The following TAOK1 variants were observed in gnomAD, a reference collection of about 807,000 sequenced individuals.
The protein encoded by TAOK1 is TAO kinase 1.
TAOK1 carries 21 observed loss-of-function variants against 138.3 expected under a neutral mutation model. The ratio of observed to expected loss-of-function variants is 0.15; its 90% CI spans 0.11 to 0.22. TAOK1 has a LOEUF of 0.22. Ranked by LOEUF, TAOK1 falls within the 10% of genes least tolerant of loss-of-function variation. TAOK1 has a pLI of 1.00. For synonymous variants in TAOK1, 361 were observed against 398.4 expected (o/e 0.91, Z 1.12); for missense variants, 651 against 1,227.7 (o/e 0.53, Z 7.02).
Position 29,480,415 on chromosome 17 carries a change from A to G in TAOK1, c.497A>G (p.Lys166Arg). Residue 166 changes from lysine to arginine, a missense_variant, in exon 7 of 20, where the codon AAA (lysine) becomes AGA (arginine). Coordinates refer to ENST00000261716, the MANE Select transcript of TAOK1 (RefSeq NM_020791.4). Reference sequence around the variant, plus strand: ...CTTCTGACAGAACCAGGCCAGGTGAAACTTGCTGACTTTGGCTCTGCTTCC... The same window carrying G: ...CTTCTGACAGAACCAGGCCAGGTGAGACTTGCTGACTTTGGCTCTGCTTCC... ...NILLTEPGQVKLADFGSASMA... is the reference protein window; with the variant it reads ...NILLTEPGQVRLADFGSASMA... 1 of 1,613,456 alleles carries G rather than the reference A, an allele frequency of 6.2e-7. No homozygotes were observed. Among genetic ancestry groups the G allele is most frequent in the Non-Finnish European group, 8.5e-7 (1 of 1,179,542 alleles).
chr17:29,408,477 A>G (rs1294934081), intron 1 of TAOK1, among the ~76,000 whole-genome samples: 2 of 152,016 alleles, frequency 1.3e-5, no homozygotes, highest in East Asian at 3.9e-4. Context: ...TGGCCTCCCA[A>G]ACTGTTGAGA....
chr17:29,528,853 A>G (rs1406326345), intron 17 of TAOK1, among the ~76,000 whole-genome samples: 1 of 147,968 alleles, frequency 6.8e-6, no homozygotes, highest in African/African-American at 2.6e-5. Flanking sequence ...AAAAAAAAAA[A>G]AAAAAAAAAA....
intron 2 of TAOK1, among the ~76,000 whole-genome samples, chr17:29,466,541 A>T (rs771428): frequency 6.6e-6 from 1 of 152,126 alleles, no homozygotes; most frequent in South Asian, 2.1e-4. Flanking sequence ...CACAAATGCA[A>T]TTGGTACCTA....
At chr17:29,521,781 A>G (rs778621430) in intron 16 of TAOK1, among the ~76,000 whole-genome samples, 2 of 152,020 alleles carry the variant, frequency 1.3e-5, no homozygotes, top group Non-Finnish European at 1.5e-5. Flanking sequence ...ACGGGATTTC[A>G]CCCTGTTAGC....
rs1034013800 is a variant in TAOK1, at chr17:29,429,499, T to A, written c.-94-21956T>A. Among the ~76,000 whole-genome samples, 38 of 152,110 alleles carry A rather than the reference T, an allele frequency of 2.5e-4. 4 individuals carry two copies. Among genetic ancestry groups the A allele is most frequent in the Admixed American group, 1.8e-3 (28 of 15,260 alleles). The stretch of plus-strand genomic sequence containing the variant: ...CCATGTTGGCCAGACTGGTCTCAAA[T>A]GCTTGACCTCAAGTGATCCGGCTAC... On this transcript the variant is annotated intron_variant, in intron 1 of 19. Transcript: ENST00000261716.
At chr17:29,444,752 G>A (rs1415198947) in intron 1 of TAOK1, among the ~76,000 whole-genome samples, 1 of 152,170 alleles carries the variant, frequency 6.6e-6, no homozygotes, top group Non-Finnish European at 1.5e-5. Context: ...TTTTGGATCA[G>A]TTAGAAGAGA....
chr17:29,461,144 C>T (rs1238819447), intron 2 of TAOK1, among the ~76,000 whole-genome samples: 1 of 151,664 alleles, frequency 6.6e-6, no homozygotes. Flanking sequence ...AGGAGAGACT[C>T]GGAAATTAGG....
At chr17:29,397,607 C>CAAAA (rs1555555318) in intron 1 of TAOK1, among the ~76,000 whole-genome samples, 3 of 94,602 alleles carry the variant, frequency 3.2e-5, no homozygotes, top group African/African-American at 1.1e-4. Flanking sequence ...CGTCCCCCCC[C>CAAAA]AAAAAAATAT....
chr17:29,397,112 T>G (rs897007649), intron 1 of TAOK1, among the ~76,000 whole-genome samples: 5 of 143,992 alleles, frequency 3.5e-5, no homozygotes, highest in African/African-American at 1.3e-4. Flanking sequence ...CTGGCCAACG[T>G]GGCGAAACCT....
chr17:29,518,728 T>A (rs186615639), intron 16 of TAOK1, among the ~76,000 whole-genome samples: 2 of 122,244 alleles, frequency 1.6e-5, no homozygotes, highest in Non-Finnish European at 3.6e-5. Flanking sequence ...TTTAAAATGT[T>A]GATTTTTATT....
chr17:29,466,821 T>C (rs1375466891), intron 2 of TAOK1, among the ~76,000 whole-genome samples: 1 of 152,332 alleles, frequency 6.6e-6, no homozygotes, highest in South Asian at 2.1e-4. Flanking sequence ...TTTCAAACTT[T>C]ATTAGCATAG....
At chr17:29,533,816 C>CAGAGGGAGACCGTGGAAAGAGCGGG in intron 18 of TAOK1, among the ~76,000 whole-genome samples, 1 of 54,182 alleles carries the variant, frequency 1.8e-5, no homozygotes, top group Admixed American at 2.1e-4. Flanking sequence ...GGCTCGGCAT[C>CAGAGGGAGACCGTGGAAAGAGCGGG]AGAGGGAGAC....
At chr17:29,467,070 AT>A in intron 2 of TAOK1, 74 bp from the exon 3 acceptor site, 1 of 1,151,612 alleles carries the variant, frequency 8.7e-7, no homozygotes, top group South Asian at 1.6e-5. Context: ...AAATGCTTTT[AT>A]ATTCGCAAAG....
At chr17:29,468,135 A>ATTTTTTTTTTTTTTTT (rs761962930) in intron 3 of TAOK1, among the ~76,000 whole-genome samples, 3,400 of 75,776 alleles carry the variant, frequency 0.045, 734 homozygotes, top group African/African-American at 0.073. Context: ...CCTGCTTTCA[A>ATTTTTTTTTTTTTTTT]TTTTTTTTTT....
chr17:29,524,690 G>A (rs775874867), intron 17 of TAOK1, among the ~76,000 whole-genome samples: 3 of 152,092 alleles, frequency 2.0e-5, no homozygotes, highest in African/African-American at 4.8e-5. Context: ...TTAAGTAATC[G>A]TTGCCTCTTT....
intron 3 of TAOK1, among the ~76,000 whole-genome samples, chr17:29,469,096 A>G (rs573075094): frequency 1.8e-4 from 27 of 152,170 alleles, no homozygotes; most frequent in African/African-American, 6.3e-4. Context: ...AAAATCTGCA[A>G]TTCTGCCTGG....
chr17:29,507,789 G>A (rs1417440862), intron 13 of TAOK1, 107 bp from the exon 14 acceptor site: 1 of 986,766 alleles, frequency 1.0e-6, no homozygotes, highest in African/African-American at 1.6e-5. Context: ...CTAACATTGG[G>A]ATATTTTACA....
At chr17:29,466,998 G>A (rs539707875) in intron 2 of TAOK1, 147 bp from the exon 3 acceptor site, 2 of 458,430 alleles carry the variant, frequency 4.4e-6, no homozygotes, top group Non-Finnish European at 7.8e-6. Context: ...TTGCTGTATA[G>A]TGTTATTTTT....
chr17:29,424,836 G>GT (rs1394991444), intron 1 of TAOK1: 2 of 152,010 alleles, frequency 1.3e-5, no homozygotes, highest in African/African-American at 4.8e-5. Context: ...ATTGTTCCAG[G>GT]TTTTTAGTAT....
Sources: allele counts gnomAD v4.1 joint callset (sites outside exome capture counted in the v4.1 genomes callset), GRCh38; gene constraint gnomAD v4.1.1; transcripts MANE v1.5; gene names NCBI Gene and HGNC (gene_info 2026-07-23, HGNC 2026-07-21).